Variants in TAOK3 observed in about 807,000 individuals in gnomAD.
TAOK3 encodes the protein serine/threonine-protein kinase TAO3.
A neutral mutation model predicts 120.4 loss-of-function variants in TAOK3; 40 were observed. The observed-to-expected ratio is 0.33, with a 90% CI of 0.26 to 0.43. The LOEUF is 0.43. Ranked by LOEUF, TAOK3 falls within the 20% of genes least tolerant of loss-of-function variation. The pLI is 1.00. For missense variants in TAOK3, 821 were observed against 1,112.1 expected (o/e 0.74, Z 3.72); for synonymous variants, 355 against 387.5 (o/e 0.92, Z 0.99).
Position 118,339,762 on chromosome 12 carries a change from T to C in TAOK3, c.-194+32886A>G, listed in dbSNP as rs552122775. Among the ~76,000 whole-genome samples the C allele has an allele frequency of 1.3e-4, 20 of 152,170 alleles. No homozygotes were observed. In the South Asian group the frequency reaches 3.9e-3, roughly 30 times the overall value. On this transcript the variant is annotated intron_variant, in intron 1 of 20. Transcript: ENST00000392533. The stretch of plus-strand genomic sequence containing the variant: ...TTTTAGTAGAGACGGGGTTTCACCA[T>C]GTTGGCCAGGATAGTCCCGCCTCGG...
chr12:118,366,132 T>C (rs2045735641), intron 1 of TAOK3, among the ~76,000 whole-genome samples: 1 of 151,992 alleles, frequency 6.6e-6, no homozygotes, highest in Non-Finnish European at 1.5e-5. Context: ...GGCGTGGTGG[T>C]TGGCGCCTGT....
intron 1 of TAOK3, among the ~76,000 whole-genome samples, chr12:118,365,509 G>C (rs1428146086): frequency 6.6e-6 from 1 of 152,126 alleles, no homozygotes; most frequent in African/African-American, 2.4e-5. Context: ...TCCCTCATTA[G>C]CCTCCCAAAG....
At chr12:118,364,891 C>CAA (rs1487387967) in intron 1 of TAOK3, among the ~76,000 whole-genome samples, 1 of 152,170 alleles carries the variant, frequency 6.6e-6, no homozygotes, top group Admixed American at 6.5e-5. Flanking sequence ...GGTGACAGAG[C>CAA]AAAACTCTAT....
chr12:118,211,632 A>G (rs2038639654), intron 11 of TAOK3, among the ~76,000 whole-genome samples: 1 of 142,612 alleles, frequency 7.0e-6, no homozygotes, highest in South Asian at 2.2e-4. Context: ...TTTTTTTTAA[A>G]GAGATGGTAT....
In TAOK3 at chr12:118,151,084, T is replaced by C. The variant is rs376124517; in HGVS notation, c.2610A>G (p.Arg870=). Residue 870 remains arginine, a synonymous_variant, in exon 21 of 21, where the codon CGA becomes CGG. Coordinates refer to ENST00000392533, the MANE Select transcript of TAOK3 (RefSeq NM_016281.4). Reference sequence around the variant, plus strand: ...TCTCCATGTCAAAAGTTTCAATCTCTCGCTCTTGCCTTTCCAATAGGTTCT... The same window carrying C: ...TCTCCATGTCAAAAGTTTCAATCTCCCGCTCTTGCCTTTCCAATAGGTTCT... The part of the protein sequence containing the change: ...RIKNLLERQE[R]EIETFDMESL... 5.6e-6 allele frequency: 9 copies of C among 1,613,742 alleles called. No homozygotes were observed. Among genetic ancestry groups the C allele is most frequent in the Non-Finnish European group, 6.8e-6 (8 of 1,179,988 alleles).
chr12:118,182,111 A>T (rs577302139), intron 14 of TAOK3, among the ~76,000 whole-genome samples: 1 of 152,120 alleles, frequency 6.6e-6, no homozygotes, highest in East Asian at 1.9e-4. Flanking sequence ...CTGGAACCCG[A>T]GAGGCGGAGG....
intron 14 of TAOK3, among the ~76,000 whole-genome samples, chr12:118,185,719 A>C (rs1164478035): frequency 6.6e-6 from 1 of 152,226 alleles, no homozygotes; most frequent in African/African-American, 2.4e-5. Flanking sequence ...CTGAAATGCA[A>C]ACTTATAAAT....
intron 19 of TAOK3, among the ~76,000 whole-genome samples, chr12:118,157,047 T>C (rs762071772): frequency 4.6e-5 from 7 of 152,080 alleles, no homozygotes; most frequent in Non-Finnish European, 8.8e-5. Flanking sequence ...GCCCATCATC[T>C]ACTGTTTTGT....
At chr12:118,336,864 G>C (rs2044388709) in intron 1 of TAOK3, among the ~76,000 whole-genome samples, 1 of 152,182 alleles carries the variant, frequency 6.6e-6, no homozygotes, top group Non-Finnish European at 1.5e-5. Flanking sequence ...TTGAGGCCAG[G>C]AGTTCATGAC....
intron 9 of TAOK3, among the ~76,000 whole-genome samples, chr12:118,214,458 T>A (rs182874789): frequency 2.0e-5 from 3 of 152,050 alleles, no homozygotes; most frequent in Non-Finnish European, 4.4e-5. Context: ...AAAATATATA[T>A]TCTCTCCTTG....
chr12:118,213,052 T>C, intron 10 of TAOK3, 57 bp from the exon 11 acceptor site: 1 of 1,119,916 alleles, frequency 8.9e-7, no homozygotes, highest in South Asian at 2.0e-5. Flanking sequence ...GCACACTGAT[T>C]ACTTAAAACA....
chr12:118,151,233 A>G, intron 20 of TAOK3, 75 bp from the exon 21 acceptor site: 1 of 1,502,798 alleles, frequency 6.7e-7, no homozygotes, highest in Non-Finnish European at 9.1e-7. Context: ...ATACACCCAT[A>G]GGCACACATA....
intron 9 of TAOK3, among the ~76,000 whole-genome samples, chr12:118,229,645 C>T (rs2039672312): frequency 6.6e-6 from 1 of 152,084 alleles, no homozygotes; most frequent in South Asian, 2.1e-4. Context: ...ATAATAATAA[C>T]ACTAGGCCGG....
chr12:118,244,848 C>T (rs1389213467), intron 4 of TAOK3, 46 bp downstream of exon 4: 3 of 1,450,410 alleles, frequency 2.1e-6, no homozygotes, highest in Non-Finnish European at 2.9e-6. Context: ...TAATTTCATA[C>T]TAACTTGTTT....
chr12:118,309,206 G>A (rs1411495808), intron 1 of TAOK3, among the ~76,000 whole-genome samples: 2 of 151,294 alleles, frequency 1.3e-5, no homozygotes, highest in South Asian at 2.1e-4. Flanking sequence ...CTGCATGTCT[G>A]TAATCCCAGC....
chr12:118,304,455 T>C (rs2042979761), intron 1 of TAOK3, among the ~76,000 whole-genome samples: 1 of 152,226 alleles, frequency 6.6e-6, no homozygotes, highest in African/African-American at 2.4e-5. Flanking sequence ...ATTAATTACC[T>C]CTTCCTAGAC....
In TAOK3 at chr12:118,160,134, CTA is replaced by C; in HGVS notation, c.2352+10_2352+11del. 5 of 1,609,436 alleles carry C rather than the reference CTA, an allele frequency of 3.1e-6. No homozygotes were observed. Among genetic ancestry groups the C allele is most frequent in the Middle Eastern group, 3.3e-4 (2 of 6,054 alleles). On this transcript the variant is annotated intron_variant, in intron 19 of 20. Transcript: ENST00000392533. This position sits in a 1 kb window ranked among gnomAD's most constrained non-coding sequence, Gnocchi z 4.2. ...AGCTCTCGAAGCCGTGGCACCAAAC[CTA>C]ACCACTTACCGCTTGAGAGGCCATC...
chr12:118,341,721 A>G (rs78149747), intron 1 of TAOK3, among the ~76,000 whole-genome samples: 6,925 of 152,262 alleles, frequency 0.045, 351 homozygotes, highest in East Asian at 0.25. Flanking sequence ...AACCATGCTA[A>G]AAAAACCCTT....
intron 14 of TAOK3, among the ~76,000 whole-genome samples, chr12:118,188,246 G>T (rs535807557): frequency 6.6e-6 from 1 of 152,182 alleles, no homozygotes; most frequent in African/African-American, 2.4e-5. Flanking sequence ...AGTCTCACAA[G>T]AGTCGATGGT....
Sources: allele counts gnomAD v4.1 joint callset (sites outside exome capture counted in the v4.1 genomes callset), GRCh38; gene constraint gnomAD v4.1.1; non-coding constraint Gnocchi (gnomAD v3.1); transcripts MANE v1.5; gene names NCBI Gene and HGNC (gene_info 2026-07-23, HGNC 2026-07-21).